VPS13B: variants seen among roughly 807,000 people sequenced by gnomAD.
The protein encoded by VPS13B is vacuolar protein sorting 13 homolog B, also known as intermembrane lipid transfer protein VPS13B.
A neutral mutation model predicts 426.4 loss-of-function variants in VPS13B; 285 were observed. That is an observed-to-expected ratio of 0.67 (90% CI 0.61 to 0.74). The LOEUF is 0.74. Among genes scored for constraint, VPS13B ranks in the 30% least tolerant of loss-of-function variants. The probability of loss-of-function intolerance (pLI) is 0.00; values close to 1 mark genes in which losing one functional copy is unlikely to be tolerated. For missense variants in VPS13B, 4,537 were observed against 4,782.6 expected (o/e 0.95, Z 1.51); for synonymous variants, 1,676 against 1,676.4 (o/e 1.00, Z 0.01).
At chr8:99,101,980 A>T (rs757040157) in intron 4 of VPS13B, among the ~76,000 whole-genome samples, 4 of 151,752 alleles carry the variant, frequency 2.6e-5, no homozygotes, top group Non-Finnish European at 5.9e-5. Flanking sequence ...AGTGGAAAAG[A>T]TTAATTTTTT....
chr8:99,609,442 C>T (rs1033141593), intron 33 of VPS13B, among the ~76,000 whole-genome samples: 3 of 152,092 alleles, frequency 2.0e-5, no homozygotes, highest in Non-Finnish European at 2.9e-5. Flanking sequence ...TGGCAACAAA[C>T]GCTATCTATA....
intron 21 of VPS13B, among the ~76,000 whole-genome samples, chr8:99,415,691 A>C (rs1815961004): frequency 6.6e-6 from 1 of 152,096 alleles, no homozygotes; most frequent in African/African-American, 2.4e-5. Flanking sequence ...GGTCTGCTGG[A>C]GTTTGCTGGA....
intron 3 of VPS13B, among the ~76,000 whole-genome samples, chr8:99,070,853 CTTGA>C (rs958596617): frequency 2.4e-4 from 36 of 151,860 alleles, no homozygotes; most frequent in African/African-American, 8.4e-4. Flanking sequence ...CTTTCTTCTG[CTTGA>C]TTAATTTTGC....
At chr8:99,696,664 A>G (rs1832018053) in intron 35 of VPS13B, 1 of 731,630 alleles carries the variant, frequency 1.4e-6, no homozygotes. Context: ...GACACCATCG[A>G]GGAGAGGACC....
rs565098660 is a variant in VPS13B, at chr8:99,561,630, G to A, written c.4949+4977G>A. 5.3e-5 allele frequency among the ~76,000 whole-genome samples: 8 copies of A among 152,222 alleles called. No individual in the cohort carries two copies. In the South Asian group the frequency reaches 8.3e-4, roughly 16 times the overall value. ...GCTAGGCTTTCTGTTAGATGATTTTGCCCAACCAAGGCCAATGTAAGTGTT... is the reference window on the plus strand; with the variant it reads ...GCTAGGCTTTCTGTTAGATGATTTTACCCAACCAAGGCCAATGTAAGTGTT... On this transcript the variant is annotated intron_variant, in intron 31 of 61. Transcript: ENST00000357162.
At chr8:99,046,711 T>A (rs1587958705) in intron 3 of VPS13B, among the ~76,000 whole-genome samples, 1 of 152,162 alleles carries the variant, frequency 6.6e-6, no homozygotes, top group South Asian at 2.1e-4. Flanking sequence ...CATTGAGGTA[T>A]GTTACTTGTA....
intron 19 of VPS13B, among the ~76,000 whole-genome samples, chr8:99,372,249 CA>C (rs34602174): frequency 0.3 from 25,486 of 84,410 alleles, 2,307 homozygotes; most frequent in East Asian, 0.44. Context: ...GACTCCGTCT[CA>C]AAAAAAAAAA....
At chr8:99,056,331 G>T (rs542923875) in intron 3 of VPS13B, among the ~76,000 whole-genome samples, 2 of 152,288 alleles carry the variant, frequency 1.3e-5, no homozygotes, top group Admixed American at 6.5e-5. Context: ...AAAATGCTGG[G>T]ATTGCAGGCG....
chr8:99,058,305 T>C (rs1019373054), intron 3 of VPS13B, among the ~76,000 whole-genome samples: 1 of 151,838 alleles, frequency 6.6e-6, no homozygotes, highest in African/African-American at 2.4e-5. Flanking sequence ...TTTTTTATTT[T>C]TGTTTTAGAA....
intron 19 of VPS13B, among the ~76,000 whole-genome samples, chr8:99,372,209 G>A (rs373140342): frequency 3.4e-5 from 5 of 146,148 alleles, no homozygotes. Flanking sequence ...CCGAGATTGC[G>A]CCACTGCACT....
At chr8:99,679,080 G>A (rs918277407) in intron 35 of VPS13B, among the ~76,000 whole-genome samples, 1 of 152,026 alleles carries the variant, frequency 6.6e-6, no homozygotes, top group Non-Finnish European at 1.5e-5. Context: ...CTAATTCTCA[G>A]CTGCCATTAG....
chr8:99,304,700 G>A (rs1309330749), intron 19 of VPS13B, among the ~76,000 whole-genome samples: 1 of 152,066 alleles, frequency 6.6e-6, no homozygotes, highest in Non-Finnish European at 1.5e-5. Flanking sequence ...TACAATGAAT[G>A]GTAGTATTAT....
At chr8:99,527,380 C>G (rs746617560) in intron 30 of VPS13B, among the ~76,000 whole-genome samples, 42 of 152,214 alleles carry the variant, frequency 2.8e-4, no homozygotes, top group Non-Finnish European at 5.9e-4. Flanking sequence ...CTGTGCAATG[C>G]GTAGCCCAGG....
chr8:99,458,531 A>G (rs1284594624), intron 23 of VPS13B, among the ~76,000 whole-genome samples: 1 of 152,016 alleles, frequency 6.6e-6, no homozygotes, highest in African/African-American at 2.4e-5. Flanking sequence ...TTACAGTCCC[A>G]CCAACAGTGT....
intron 24 of VPS13B, among the ~76,000 whole-genome samples, chr8:99,475,734 C>A (rs1387188619): frequency 6.6e-6 from 1 of 152,196 alleles, no homozygotes; most frequent in East Asian, 1.9e-4. Context: ...CTTCCTATGT[C>A]TGTTCCTTCC....
chr8:99,109,361 TTTGA>T (rs1847233551), intron 5 of VPS13B, among the ~76,000 whole-genome samples: 1 of 151,962 alleles, frequency 6.6e-6, no homozygotes, highest in South Asian at 2.1e-4. Context: ...ATCCTTGAAA[TTTGA>T]ATACTTCACT....
intron 29 of VPS13B, among the ~76,000 whole-genome samples, chr8:99,518,240 A>T (rs963501313): frequency 2.0e-5 from 3 of 152,180 alleles, no homozygotes; most frequent in African/African-American, 7.2e-5. Flanking sequence ...GTTAGCAAAT[A>T]TACTAATTGC....
chr8:99,423,434 T>TG (rs199887366), intron 21 of VPS13B, among the ~76,000 whole-genome samples: 9,630 of 148,934 alleles, frequency 0.065, 334 homozygotes, highest in South Asian at 0.098. Context: ...TTTTTTTTTT[T>TG]TTTTTGTATT....
chr8:99,721,727 A>T (rs1216813430), intron 39 of VPS13B, among the ~76,000 whole-genome samples: 1 of 152,048 alleles, frequency 6.6e-6, no homozygotes, highest in Admixed American at 6.6e-5. Flanking sequence ...GTCATTCCTG[A>T]TTGCCTTCTT....
Sources: allele counts gnomAD v4.1 joint callset (sites outside exome capture counted in the v4.1 genomes callset), GRCh38; gene constraint gnomAD v4.1.1; transcripts MANE v1.5; gene names NCBI Gene and HGNC (gene_info 2026-07-23, HGNC 2026-07-21).